The following CYP4Z1 variants were observed in gnomAD, a reference collection of about 807,000 sequenced individuals.
CYP4Z1 encodes cytochrome P450 4Z1.
CYP4Z1 carries 41 observed loss-of-function variants against 54.2 expected under a neutral mutation model. That is an observed-to-expected ratio of 0.76 (90% confidence interval 0.59 to 0.98). The LOEUF (loss-of-function observed/expected upper bound fraction) is 0.98. Ranked by LOEUF, CYP4Z1 falls within the 50% of genes least tolerant of loss-of-function variation. The pLI is 0.00. For synonymous variants in CYP4Z1, 163 were observed against 206.2 expected, an observed-to-expected ratio of 0.79 and a Z score of 1.79; for missense variants, 513 against 599.0, an observed-to-expected ratio of 0.86 and a Z score of 1.50.
Position 47,085,122 on chromosome 1 carries a change from G to T in CYP4Z1, c.772+144G>T, listed in dbSNP as rs556532656. ...GCTAATTTGTACCTCTTAAATGAAT[G>T]TGCTACATAAATGCTATGTAGAGGG... is the stretch of plus-strand genomic sequence containing the variant. On this transcript the variant is annotated intron_variant, in intron 6 of 11. Coordinates refer to ENST00000334194, the MANE Select transcript of CYP4Z1 (RefSeq NM_178134.3). The T allele has an allele frequency of 3.5e-5, 22 of 629,334 alleles. No individual in the cohort carries two copies. The East Asian group carries it at 5.3e-4, about 15-fold the overall frequency. The allele number at this position is 629,334 out of a possible 1,614,324, so 39.0% of individuals were successfully genotyped here.
chr1:47,115,245 G>A (rs1240557285), intron 9 of CYP4Z1, among the ~76,000 whole-genome samples: 4 of 152,050 alleles, frequency 2.6e-5, no homozygotes, highest in South Asian at 4.1e-4. Flanking sequence ...GAATTGAGCA[G>A]TGAGAACACA....
intron 6 of CYP4Z1, among the ~76,000 whole-genome samples, chr1:47,087,301 A>T (rs1369424418): frequency 6.6e-6 from 1 of 152,084 alleles, no homozygotes; most frequent in Non-Finnish European, 1.5e-5. Context: ...GGCCATTTTC[A>T]CGATATTGAT....
intron 7 of CYP4Z1, among the ~76,000 whole-genome samples, chr1:47,098,347 T>G (rs531464556): frequency 7.9e-5 from 12 of 152,238 alleles, no homozygotes; most frequent in South Asian, 4.1e-4. Context: ...CCCTGTTAGA[T>G]GTATTCCTAC....
intron 2 of CYP4Z1, among the ~76,000 whole-genome samples, chr1:47,079,769 G>A (rs1198968354): frequency 3.9e-5 from 6 of 152,056 alleles, no homozygotes; most frequent in South Asian, 4.2e-4. Context: ...TGAAGGGATA[G>A]ATCAGGTTTG....
chr1:47,091,706 A>C (rs1401283819), intron 6 of CYP4Z1, among the ~76,000 whole-genome samples: 1 of 149,698 alleles, frequency 6.7e-6, no homozygotes, highest in African/African-American at 2.4e-5. Context: ...ATAATGCCAC[A>C]TCATGTGGAG....
At chr1:47,062,756 C>T (rs534298186), upstream of CYP4Z1, among the ~76,000 whole-genome samples, 39 of 152,234 alleles carry the variant, frequency 2.6e-4, no homozygotes, top group South Asian at 7.3e-3. Flanking sequence ...TTTCTCTACC[C>T]ACCCTGGTAG....
intron 9 of CYP4Z1, among the ~76,000 whole-genome samples, chr1:47,112,882 T>A (rs982250106): frequency 6.6e-6 from 1 of 152,138 alleles, no homozygotes; most frequent in Non-Finnish European, 1.5e-5. Flanking sequence ...ATCTCCACCC[T>A]GATCAATGGA....
the CYP4Z1 span, among the ~76,000 whole-genome samples, chr1:47,056,901 A>G: frequency 1.4e-4 from 22 of 152,130 alleles, no homozygotes; most frequent in African/African-American, 5.1e-4. Flanking sequence ...TTTTAATTGG[A>G]GCATTTAGCC....
chr1:47,083,458 G>C (rs1644569897), intron 4 of CYP4Z1, among the ~76,000 whole-genome samples: 1 of 152,090 alleles, frequency 6.6e-6, no homozygotes, highest in Non-Finnish European at 1.5e-5. Flanking sequence ...TCTCCATTTT[G>C]CTAGTAAGGA....
Position 47,096,415 on chromosome 1 carries a change from T to C in CYP4Z1, c.876+1746T>C, listed in dbSNP as rs140838855. Among the ~76,000 whole-genome samples, 755 of 152,244 alleles carry C rather than the reference T, an allele frequency of 5.0e-3. 8 individuals are homozygous for C. Among genetic ancestry groups the C allele is most frequent in the African/African-American group, 0.017 (707 of 41,542 alleles). On this transcript the variant is annotated intron_variant, in intron 7 of 11. Transcript: ENST00000334194. ...AAGATATCGACTCTAAAAATAATAG[T>C]AAAAAATAAAATAACATTTGCTGAT... is the stretch of plus-strand genomic sequence containing the variant.
upstream of CYP4Z1, among the ~76,000 whole-genome samples, chr1:47,062,747 T>TGG (rs1644430691): frequency 6.6e-6 from 1 of 152,150 alleles, no homozygotes; most frequent in Non-Finnish European, 1.5e-5. Flanking sequence ...CTTGTGGTCT[T>TGG]TCTCTACCCA....
At chr1:47,068,580 G>C in intron 1 of CYP4Z1, 42 bp from the exon 2 acceptor site, 1 of 1,607,608 alleles carries the variant, frequency 6.2e-7, no homozygotes, top group Admixed American at 1.7e-5. Context: ...TCCTCCTGGG[G>C]TGACAACCTT....
At position 47,094,677 on chromosome 1, in the gene CYP4Z1, T is replaced by G. The variant is rs765797276; in HGVS notation, c.876+8T>G. 1 of 1,600,180 alleles carries G rather than the reference T, an allele frequency of 6.2e-7. No homozygotes were observed. The highest frequency in any genetic ancestry group is 1.1e-5 in the South Asian group (1 of 89,546). On this transcript the variant is annotated splice_region_variant and intron_variant, in intron 7 of 11. Coordinates refer to ENST00000334194, the MANE Select transcript of CYP4Z1 (RefSeq NM_178134.3). ...ATACTTTTGAGTGCCAAAGTAAGTC[T>G]TCTAAACTTCTGAACACATTCGACT...
intron 6 of CYP4Z1, among the ~76,000 whole-genome samples, chr1:47,087,047 G>A (rs1457518869): frequency 1.3e-5 from 2 of 152,038 alleles, no homozygotes; most frequent in Non-Finnish European, 2.9e-5. Context: ...TGTTCCATTG[G>A]TCTATATCTC....
At chr1:47,113,144 C>T (rs1462896933) in intron 9 of CYP4Z1, among the ~76,000 whole-genome samples, 1 of 152,176 alleles carries the variant, frequency 6.6e-6, no homozygotes, top group African/African-American at 2.4e-5. Flanking sequence ...GATCTATGGA[C>T]ACTTTGCTCC....
chr1:47,068,557 C>T (rs1374172136), intron 1 of CYP4Z1, 65 bp from the exon 2 acceptor site: 39 of 1,582,300 alleles, frequency 2.5e-5, no homozygotes, highest in African/African-American at 1.5e-4. Context: ...ATGGTCCATC[C>T]GAGGGAAAGG....
chr1:47,089,845 T>C (rs1644626136), intron 6 of CYP4Z1, among the ~76,000 whole-genome samples: 1 of 152,270 alleles, frequency 6.6e-6, no homozygotes, highest in African/African-American at 2.4e-5. Context: ...TGTCGTCCAA[T>C]GCCCCTTCAC....
rs773929573 is a variant in CYP4Z1, at chr1:47,117,865, C to A, written c.1449C>A (p.Pro483=). 1.2e-6 allele frequency: 2 copies of A among 1,613,664 alleles called. No individual in the cohort carries two copies. Among genetic ancestry groups the A allele is most frequent in the Non-Finnish European group, 1.7e-6 (2 of 1,179,804 alleles). The change falls in exon 12 of 12, where the codon CCC becomes CCA. Residue 483 remains proline, a synonymous_variant. Transcript: ENST00000334194. ...FKLAPDHSRP[P]QPVRQVVLKS... is the part of the protein sequence containing the mutation. ...TGGCTCCAGACCACTCAAGGCCTCC[C>A]CAGCCTGTTCGTCAAGTTGTCCTCA...
chr1:47,091,850 T>C (rs564090313), intron 6 of CYP4Z1, among the ~76,000 whole-genome samples: 2 of 149,760 alleles, frequency 1.3e-5, no homozygotes, highest in Admixed American at 1.3e-4. Context: ...AAATATTGGA[T>C]CAGAGTTTTT....
Sources: gnomAD v4.1 joint callset for allele counts (sites outside exome capture counted in the v4.1 genomes callset) on GRCh38, gnomAD v4.1.1 for gene constraint, MANE v1.5 for transcripts, NCBI Gene and HGNC (gene_info 2026-07-23, HGNC 2026-07-21) for gene names.